Variants in SPAG16 observed in about 807,000 individuals in gnomAD.
The protein encoded by SPAG16 is sperm-associated antigen 16 protein.
In SPAG16, 86 loss-of-function variants were observed where a neutral mutation model predicts 80.4. That is an observed-to-expected ratio of 1.07 (90% CI 0.90 to 1.28). The LOEUF (loss-of-function observed/expected upper bound fraction) is 1.28, where lower values mean the gene tolerates loss of function less well. Among genes scored for constraint, SPAG16 ranks in the 50% most tolerant of loss-of-function variants. SPAG16 has a pLI of 0.00. For missense variants in SPAG16, 870 were observed against 765.3 expected (o/e 1.14, Z -1.61); for synonymous variants, 294 against 265.9 (o/e 1.11, Z -1.03).
At chr2:213,744,219 G>T (rs1478663667) in intron 10 of SPAG16, among the ~76,000 whole-genome samples, 1 of 152,006 alleles carries the variant, frequency 6.6e-6, no homozygotes, top group African/African-American at 2.4e-5. Context: ...CTTTTTTTCA[G>T]CTTCCTTGGG....
chr2:214,084,448 C>T lies in SPAG16; in HGVS notation c.1528-23748C>T, dbSNP rs367565929. 2.6e-5 allele frequency among the ~76,000 whole-genome samples: 4 copies of T among 152,142 alleles called. No individual in the cohort carries two copies. In the East Asian group the frequency reaches 7.7e-4, roughly 29 times the overall value. ...TTTCTCACACCTTACAACATGAACTCCCCCTAAACCAATGGAAATACCTCA... is the reference window on the plus strand; with the variant it reads ...TTTCTCACACCTTACAACATGAACTTCCCCTAAACCAATGGAAATACCTCA... On this transcript the variant is annotated intron_variant, in intron 13 of 15. Transcript: ENST00000331683.
Position 213,401,181 on chromosome 2 carries a change from C to G in SPAG16, c.942+26062C>G, listed in dbSNP as rs377134505. Among the ~76,000 whole-genome samples the G allele has an allele frequency of 3.0e-4, 45 of 152,282 alleles. 1 individual carries two copies. The South Asian group carries it at 8.7e-3, about 29-fold the overall frequency. On this transcript the variant is annotated intron_variant, in intron 9 of 15. Coordinates refer to ENST00000331683, the MANE Select transcript of SPAG16 (RefSeq NM_024532.5). ...TTTGGTCAATGATAATTTGAGAAAC[C>G]TGACTCTACAGAAGCTTGATATATG...
At chr2:213,389,650 A>G (rs1380152550) in intron 9 of SPAG16, among the ~76,000 whole-genome samples, 1 of 152,192 alleles carries the variant, frequency 6.6e-6, no homozygotes, top group Non-Finnish European at 1.5e-5. Context: ...GCTTAACATC[A>G]TTAATCATTA....
chr2:213,894,987 C>CAAAAAAAAAAAAAAA (rs71063793), intron 11 of SPAG16, among the ~76,000 whole-genome samples: 1 of 49,290 alleles, frequency 2.0e-5, no homozygotes, highest in African/African-American at 1.2e-4. Context: ...GGCTCCATCT[C>CAAAAAAAAAAAAAAA]AAAAAAAAAA....
At chr2:213,698,657 C>G (rs2065262625) in intron 10 of SPAG16, among the ~76,000 whole-genome samples, 1 of 152,190 alleles carries the variant, frequency 6.6e-6, no homozygotes, top group Non-Finnish European at 1.5e-5. Context: ...ATTTGACACT[C>G]TTAGTACTCA....
intron 15 of SPAG16, among the ~76,000 whole-genome samples, chr2:214,257,416 T>A (rs1690771597): frequency 6.6e-6 from 1 of 152,026 alleles, no homozygotes; most frequent in African/African-American, 2.4e-5. Flanking sequence ...AAATGTTGAA[T>A]AGAAATGATG....
chr2:213,398,205 T>C (rs1247912418), intron 9 of SPAG16, among the ~76,000 whole-genome samples: 4 of 152,048 alleles, frequency 2.6e-5, no homozygotes, highest in African/African-American at 9.7e-5. Context: ...GTTTGTATTA[T>C]TGCAAAAGCC....
chr2:213,926,614 C>A, intron 11 of SPAG16, among the ~76,000 whole-genome samples: 1 of 151,810 alleles, frequency 6.6e-6, no homozygotes, highest in East Asian at 1.9e-4. Context: ...TTTAAAATTT[C>A]TAAATATATA....
At chr2:214,209,841 G>A (rs774664725) in intron 15 of SPAG16, among the ~76,000 whole-genome samples, 2 of 151,920 alleles carry the variant, frequency 1.3e-5, no homozygotes, top group Non-Finnish European at 2.9e-5. Context: ...TGTCACCAAG[G>A]CCCCATACTC....
At chr2:214,144,818 C>T (rs1053631135) in intron 14 of SPAG16, among the ~76,000 whole-genome samples, 2 of 151,914 alleles carry the variant, frequency 1.3e-5, no homozygotes, top group Non-Finnish European at 2.9e-5. Flanking sequence ...GCAAGTTGAA[C>T]CAAGAAACTA....
At chr2:214,128,644 G>T (rs2161021) in intron 14 of SPAG16, among the ~76,000 whole-genome samples, 3,187 of 151,840 alleles carry the variant, frequency 0.021, 122 homozygotes, top group African/African-American at 0.073. Flanking sequence ...AATTCAACCA[G>T]ATTTAGTTTC....
At position 213,860,462 on chromosome 2, in the gene SPAG16, GATATATCTATCT is replaced by G. The variant is rs1559529531; in HGVS notation, c.1071-2016_1071-2005del. Among the ~76,000 whole-genome samples, 5 of 128,720 alleles carry G rather than the reference GATATATCTATCT, an allele frequency of 3.9e-5. 1 individual carries two copies. Among genetic ancestry groups the G allele is most frequent in the Admixed American group, 7.9e-5 (1 of 12,676 alleles). 84.4% of individuals were successfully genotyped at this position (128,720 alleles called of 152,430 possible). On this transcript the variant is annotated intron_variant, in intron 10 of 15. Coordinates refer to ENST00000331683, the MANE Select transcript of SPAG16 (RefSeq NM_024532.5). The stretch of plus-strand genomic sequence containing the variant: ...TTATAGATATATGTATATATATACA[GATATATCTATCT>G]ATATATATATATACACACATATGTG...
At chr2:213,340,345 T>C in intron 6 of SPAG16, 75 bp downstream of exon 6, 1 of 1,074,920 alleles carries the variant, frequency 9.3e-7, no homozygotes, top group Non-Finnish European at 1.4e-6. Context: ...ATGACAAAGT[T>C]TTAGACAAAG....
At chr2:213,877,501 G>T (rs1185881049) in intron 11 of SPAG16, among the ~76,000 whole-genome samples, 1 of 152,038 alleles carries the variant, frequency 6.6e-6, no homozygotes, top group Non-Finnish European at 1.5e-5. Context: ...TTTTTGTTGA[G>T]ATGAGATCTC....
At chr2:213,309,967 G>T in intron 3 of SPAG16, 92 bp from the exon 4 acceptor site, 1 of 745,548 alleles carries the variant, frequency 1.3e-6, no homozygotes, top group Non-Finnish European at 2.2e-6. Context: ...GAAAAAAAAT[G>T]AATGGATGAA....
chr2:213,309,953 T>C (rs2063114962), intron 3 of SPAG16, 106 bp from the exon 4 acceptor site: 2 of 680,116 alleles, frequency 2.9e-6, no homozygotes, highest in South Asian at 2.1e-5. Flanking sequence ...CAACAAACAT[T>C]GTTGAAAAAA....
intron 10 of SPAG16, among the ~76,000 whole-genome samples, chr2:213,626,239 A>G (rs1345196513): frequency 1.3e-5 from 2 of 152,204 alleles, no homozygotes; most frequent in Non-Finnish European, 1.5e-5. Context: ...TCATATTAGC[A>G]GTCCAGCATA....
chr2:213,499,802 G>T (rs1190366345), intron 10 of SPAG16, among the ~76,000 whole-genome samples: 3 of 151,730 alleles, frequency 2.0e-5, no homozygotes, highest in African/African-American at 2.4e-5. Context: ...CTTTTTTTCA[G>T]CCTGCCTTAT....
intron 1 of SPAG16, among the ~76,000 whole-genome samples, chr2:213,286,826 TACTC>T (rs2062072976): frequency 6.6e-6 from 1 of 152,246 alleles, no homozygotes. Flanking sequence ...TGCTTTTAAA[TACTC>T]AATTATGAAG....
Sources: gnomAD v4.1 joint callset for allele counts (sites outside exome capture counted in the v4.1 genomes callset) on GRCh38, gnomAD v4.1.1 for gene constraint, MANE v1.5 for transcripts, NCBI Gene and HGNC (gene_info 2026-07-23, HGNC 2026-07-21) for gene names.